ATP8A2: variants seen among roughly 807,000 people sequenced by gnomAD.
The protein encoded by ATP8A2 is phospholipid-transporting ATPase IB.
Under a neutral mutation model 165.6 loss-of-function variants are expected in ATP8A2, and 100 were observed. That is an observed-to-expected ratio of 0.60 (90% CI 0.51 to 0.71). The LOEUF is 0.71. Ranked by LOEUF, ATP8A2 falls within the 30% of genes least tolerant of loss-of-function variation. The pLI is 0.00. For synonymous variants in ATP8A2, 543 were observed against 548.8 expected (o/e 0.99, Z 0.15); for missense variants, 1,227 against 1,479.5 (o/e 0.83, Z 2.80).
At chr13:26,008,252 A>G (rs1566348135) in intron 35 of ATP8A2, among the ~76,000 whole-genome samples, 1 of 152,194 alleles carries the variant, frequency 6.6e-6, no homozygotes, top group Non-Finnish European at 1.5e-5. Flanking sequence ...AAGATTCTAT[A>G]AAATAGTGAT....
rs217883 is a variant in ATP8A2 at position 25,769,544 on chromosome 13, G to A, written c.2568+315G>A. On this transcript the variant is annotated intron_variant, in intron 26 of 36. Transcript: ENST00000381655. ...TAATAACCTCTCACCTTCAGCTTCT[G>A]CATCTGCTGCATGGCTTTTTCTGCT... is the stretch of plus-strand genomic sequence containing the variant. Among the ~76,000 whole-genome samples the A allele has an allele frequency of 4.6e-3, 705 of 152,310 alleles. 5 individuals carry two copies. Among genetic ancestry groups the A allele is most frequent in the African/African-American group, 0.016 (680 of 41,562 alleles).
At chr13:25,447,130 T>G (rs1391034909) in intron 1 of ATP8A2, among the ~76,000 whole-genome samples, 1 of 152,226 alleles carries the variant, frequency 6.6e-6, no homozygotes, top group Non-Finnish European at 1.5e-5. Flanking sequence ...ATTTTCATCT[T>G]TGTTCTAAAT....
intron 35 of ATP8A2, among the ~76,000 whole-genome samples, chr13:26,006,982 TTCTC>T (rs1396045466): frequency 1.2e-4 from 18 of 150,616 alleles, no homozygotes; most frequent in African/African-American, 4.4e-4. Flanking sequence ...TTTAAAGAGA[TTCTC>T]TCTTTAAAAA....
intron 2 of ATP8A2, among the ~76,000 whole-genome samples, chr13:25,514,120 T>G (rs1184800695): frequency 6.6e-6 from 1 of 152,240 alleles, no homozygotes; most frequent in Non-Finnish European, 1.5e-5. Flanking sequence ...TTTGGAAAAT[T>G]TGCTTAGCTT....
chr13:25,465,796 T>C (rs2035651866), intron 1 of ATP8A2, among the ~76,000 whole-genome samples: 1 of 143,470 alleles, frequency 7.0e-6, no homozygotes, highest in African/African-American at 2.6e-5. Flanking sequence ...TTTCTTTCTT[T>C]CTTTTTTGGT....
intron 2 of ATP8A2, among the ~76,000 whole-genome samples, chr13:25,513,300 T>C (rs1162241162): frequency 1.4e-5 from 2 of 137,988 alleles, no homozygotes; most frequent in Admixed American, 7.2e-5. Context: ...CGGGTAGGGG[T>C]GCTCCTCACA....
intron 24 of ATP8A2, among the ~76,000 whole-genome samples, chr13:25,672,837 C>T (rs138697184): frequency 1.1e-4 from 17 of 152,218 alleles, no homozygotes; most frequent in Middle Eastern, 3.4e-3. Context: ...AGACTGTGAA[C>T]ATGCTTATTT....
At chr13:25,569,078 A>C (rs553877142) in intron 16 of ATP8A2, among the ~76,000 whole-genome samples, 2 of 152,292 alleles carry the variant, frequency 1.3e-5, no homozygotes, top group South Asian at 4.1e-4. Flanking sequence ...GACACTTTTT[A>C]TGTTGTTTCA....
chr13:25,847,675 A>C (rs1355630967), intron 30 of ATP8A2, among the ~76,000 whole-genome samples: 1 of 152,204 alleles, frequency 6.6e-6, no homozygotes, highest in Non-Finnish European at 1.5e-5. Flanking sequence ...CCAGTGGAGA[A>C]GTGCATTGTT....
chr13:25,700,564 T>C (rs751385289), intron 25 of ATP8A2, among the ~76,000 whole-genome samples: 17 of 152,108 alleles, frequency 1.1e-4, no homozygotes, highest in Non-Finnish European at 2.2e-4. Flanking sequence ...CTGAGTAATA[T>C]TCCATTGTTT....
At chr13:25,427,793 C>T (rs1444998779) in intron 1 of ATP8A2, among the ~76,000 whole-genome samples, 1 of 152,060 alleles carries the variant, frequency 6.6e-6, no homozygotes, top group Admixed American at 6.6e-5. Context: ...ACTTGGGAGA[C>T]TGAGGCAGGA....
At chr13:25,789,444 A>G (rs2045111829) in intron 27 of ATP8A2, among the ~76,000 whole-genome samples, 1 of 152,194 alleles carries the variant, frequency 6.6e-6, no homozygotes, top group Admixed American at 6.5e-5. Flanking sequence ...CTATACACCA[A>G]CAACAGTCAA....
rs561892029 is a variant in ATP8A2 at position 25,910,683 on chromosome 13, C to T, written c.3183+48275C>T. On this transcript the variant is annotated intron_variant, in intron 33 of 36. Coordinates refer to ENST00000381655, the MANE Select transcript of ATP8A2 (RefSeq NM_016529.6). ...ACCTGATGAAAGTGTTTTTGTTTTC[C>T]AGTTAGGAAAACACGCTGTTTCGCT... Among the ~76,000 whole-genome samples the T allele has an allele frequency of 3.8e-4, 58 of 152,136 alleles. No homozygotes were observed. The South Asian group carries it at 0.011, about 29-fold the overall frequency.
At chr13:25,615,324 T>C (rs912089192) in intron 24 of ATP8A2, among the ~76,000 whole-genome samples, 7 of 152,154 alleles carry the variant, frequency 4.6e-5, no homozygotes, top group African/African-American at 1.7e-4. Flanking sequence ...TGGGGAATGC[T>C]GGCAGTTACA....
intron 33 of ATP8A2, among the ~76,000 whole-genome samples, chr13:25,912,077 G>C (rs947228547): frequency 1.3e-5 from 2 of 151,540 alleles, no homozygotes; most frequent in Admixed American, 6.6e-5. Flanking sequence ...CAAATTAATT[G>C]CAACACTATT....
intron 2 of ATP8A2, among the ~76,000 whole-genome samples, chr13:25,488,867 C>T (rs2036431993): frequency 7.4e-6 from 1 of 134,454 alleles, no homozygotes; most frequent in African/African-American, 2.8e-5. Flanking sequence ...TCAGATGACT[C>T]CCCCACCCCC....
intron 35 of ATP8A2, among the ~76,000 whole-genome samples, chr13:25,999,314 T>G (rs1956586801): frequency 6.6e-6 from 1 of 152,138 alleles, no homozygotes; most frequent in South Asian, 2.1e-4. Flanking sequence ...CAGCTCTCCA[T>G]GGGTTTCTAC....
At chr13:25,395,712 T>C (rs1296281778) in intron 1 of ATP8A2, among the ~76,000 whole-genome samples, 1 of 152,170 alleles carries the variant, frequency 6.6e-6, no homozygotes, top group Non-Finnish European at 1.5e-5. Context: ...ATTTTTGAAT[T>C]TTTTTGTAGA....
intron 27 of ATP8A2, among the ~76,000 whole-genome samples, chr13:25,817,471 A>G (rs1379581723): frequency 6.6e-6 from 1 of 151,976 alleles, no homozygotes; most frequent in Non-Finnish European, 1.5e-5. Context: ...AAATTTTTAA[A>G]TGTTTACCAG....
Sources: gnomAD v4.1 joint callset for allele counts (sites outside exome capture counted in the v4.1 genomes callset) on GRCh38, gnomAD v4.1.1 for gene constraint, MANE v1.5 for transcripts, NCBI Gene and HGNC (gene_info 2026-07-23, HGNC 2026-07-21) for gene names.